Variants in NKAIN3 observed in about 807,000 individuals in gnomAD.
The protein encoded by NKAIN3 is sodium/potassium-transporting ATPase subunit beta-1-interacting protein 3.
In NKAIN3, 25 loss-of-function variants were observed where a neutral mutation model predicts 30.2. The ratio of observed to expected loss-of-function variants is 0.83; its 90% CI spans 0.60 to 1.16. The LOEUF is 1.16. Ranked by LOEUF, NKAIN3 falls within the 50% of genes most tolerant of loss-of-function variation. NKAIN3 has a pLI of 0.00. For synonymous variants in NKAIN3, 91 were observed against 89.6 expected, an observed-to-expected ratio of 1.02 and a Z score of -0.09; for missense variants, 225 against 254.1, an observed-to-expected ratio of 0.89 and a Z score of 0.78.
At chr8:62,256,392 G>A (rs926578395) in intron 1 of NKAIN3, among the ~76,000 whole-genome samples, 3 of 152,158 alleles carry the variant, frequency 2.0e-5, no homozygotes, top group Non-Finnish European at 2.9e-5. Context: ...GCATTCCAGC[G>A]TGGGTGACAG....
intron 1 of NKAIN3, among the ~76,000 whole-genome samples, chr8:62,521,188 C>T (rs1400866308): frequency 2.6e-5 from 4 of 151,874 alleles, no homozygotes; most frequent in South Asian, 2.1e-4. Flanking sequence ...TGAAGGATAG[C>T]GGATCGCACC....
chr8:62,451,659 T>C (rs959898284), intron 1 of NKAIN3, among the ~76,000 whole-genome samples: 1 of 152,212 alleles, frequency 6.6e-6, no homozygotes, highest in Non-Finnish European at 1.5e-5. Context: ...TTAAAATCAT[T>C]CACAGTCAAG....
chr8:62,843,303 T>TTTAA lies in NKAIN3; in HGVS notation c.472-75123_472-75120dup, dbSNP rs869033734. On this transcript the variant is annotated intron_variant, in intron 4 of 6. Coordinates refer to ENST00000623646, the MANE Select transcript of NKAIN3 (RefSeq NM_001304533.3). ...TCCCTGCTAACGTCTTTTTTCTTTTTTTAATTAATTAATTAATTAATTAAT... is the reference window on the plus strand; with the variant it reads ...TCCCTGCTAACGTCTTTTTTCTTTTTTTAATTAATTAATTAATTAATTAATTAAT... Among the ~76,000 whole-genome samples, 380 of 151,468 alleles carry TTTAA rather than the reference T, an allele frequency of 2.5e-3. 2 individuals carry two copies. Among genetic ancestry groups the TTTAA allele is most frequent in the Middle Eastern group, 0.02 (6 of 294 alleles).
rs1179564833 is a variant in NKAIN3, at chr8:62,966,148, A to G, written c.*741A>G. On this transcript the variant is annotated 3_prime_UTR_variant, in exon 7 of 7. Coordinates refer to ENST00000623646, the MANE Select transcript of NKAIN3 (RefSeq NM_001304533.3). ...GTCCATATTTTCTACTCATTATTCC[A>G]TTCCTGACACTGCTGTCAGACCTAA... 1 of 985,172 alleles carries G rather than the reference A, an allele frequency of 1.0e-6. No individual in the cohort carries two copies. 61.0% of individuals were successfully genotyped at this position (985,172 alleles called of 1,614,324 possible).
At chr8:62,790,082 A>C (rs1327793935) in intron 4 of NKAIN3, among the ~76,000 whole-genome samples, 16 of 152,196 alleles carry the variant, frequency 1.1e-4, no homozygotes, top group Admixed American at 1.0e-3. Flanking sequence ...TGGCAAGCCA[A>C]ATCCAGCAAC....
At chr8:62,855,823 G>C in intron 4 of NKAIN3, 1 of 887,868 alleles carries the variant, frequency 1.1e-6, no homozygotes, top group Non-Finnish European at 1.9e-6. Context: ...TGGAATCCTG[G>C]AGGAGTCACC....
intron 5 of NKAIN3, among the ~76,000 whole-genome samples, chr8:62,994,027 G>T (rs971970000): frequency 3.3e-5 from 5 of 152,110 alleles, no homozygotes; most frequent in African/African-American, 1.2e-4. Flanking sequence ...ACTTTGGGAA[G>T]ACTTTAAATT....
At chr8:62,792,212 G>C (rs1376134088) in intron 4 of NKAIN3, among the ~76,000 whole-genome samples, 1 of 151,958 alleles carries the variant, frequency 6.6e-6, no homozygotes, top group Non-Finnish European at 1.5e-5. Flanking sequence ...TTTAAGCTTG[G>C]AACAGTACCT....
intron 4 of NKAIN3, among the ~76,000 whole-genome samples, chr8:62,876,466 T>C (rs1374504592): frequency 6.6e-6 from 1 of 152,216 alleles, no homozygotes; most frequent in Non-Finnish European, 1.5e-5. Context: ...TTACTGGGTA[T>C]ATACCCAAAG....
chr8:62,251,226 T>C (rs1468611053), intron 1 of NKAIN3, among the ~76,000 whole-genome samples: 1 of 152,146 alleles, frequency 6.6e-6, no homozygotes, highest in Non-Finnish European at 1.5e-5. Context: ...TCAAGAGTTT[T>C]TGGATGGTAG....
At chr8:62,449,740 G>C (rs6991521) in intron 1 of NKAIN3, among the ~76,000 whole-genome samples, 1 of 151,832 alleles carries the variant, frequency 6.6e-6, no homozygotes, top group Non-Finnish European at 1.5e-5. Flanking sequence ...CCCTTTACTT[G>C]TTGATGAGTT....
intron 3 of NKAIN3, among the ~76,000 whole-genome samples, chr8:62,649,606 G>A (rs528565448): frequency 6.6e-6 from 1 of 152,204 alleles, no homozygotes; most frequent in African/African-American, 2.4e-5. Flanking sequence ...CCTCAGTAAG[G>A]ATGGTGTCAG....
chr8:62,380,429 C>T (rs527491727), intron 1 of NKAIN3, among the ~76,000 whole-genome samples: 1 of 152,256 alleles, frequency 6.6e-6, no homozygotes, highest in African/African-American at 2.4e-5. Flanking sequence ...GGAAGAAAGA[C>T]TAAAACATTT....
chr8:62,649,821 G>A (rs1319477271), intron 3 of NKAIN3, among the ~76,000 whole-genome samples: 1 of 152,174 alleles, frequency 6.6e-6, no homozygotes, highest in African/African-American at 2.4e-5. Context: ...CAGGTGTGCT[G>A]CATTGGGCAG....
At chr8:62,678,892 G>A (rs191817636) in intron 3 of NKAIN3, among the ~76,000 whole-genome samples, 15 of 152,174 alleles carry the variant, frequency 9.9e-5, no homozygotes, top group Admixed American at 9.2e-4. Context: ...AATGTGTCAT[G>A]TATCTAGTGA....
intron 3 of NKAIN3, among the ~76,000 whole-genome samples, chr8:62,690,686 G>T (rs943919850): frequency 4.6e-5 from 7 of 152,176 alleles, no homozygotes; most frequent in Non-Finnish European, 7.3e-5. Flanking sequence ...TTCTCAATTT[G>T]CAGAGCTGTT....
chr8:62,676,342 GTGGATCACGAGGT>G (rs2130402143), intron 3 of NKAIN3, among the ~76,000 whole-genome samples: 1 of 152,346 alleles, frequency 6.6e-6, no homozygotes, highest in East Asian at 1.9e-4. Flanking sequence ...GCCGAGGCAG[GTGGATCACGAGGT>G]TAGGAGGTCG....
chr8:62,803,819 C>A (rs1181819346), intron 4 of NKAIN3, among the ~76,000 whole-genome samples: 1 of 152,124 alleles, frequency 6.6e-6, no homozygotes, highest in Non-Finnish European at 1.5e-5. Context: ...ATTAATGAAT[C>A]CAGGAGCTGG....
chr8:62,335,131 C>T (rs1401346447), intron 1 of NKAIN3, among the ~76,000 whole-genome samples: 1 of 151,932 alleles, frequency 6.6e-6, no homozygotes, highest in African/African-American at 2.4e-5. Flanking sequence ...TACATTTCTC[C>T]CATCTTTGAA....
Sources: allele counts gnomAD v4.1 joint callset (sites outside exome capture counted in the v4.1 genomes callset), GRCh38; gene constraint gnomAD v4.1.1; transcripts MANE v1.5; gene names NCBI Gene and HGNC (gene_info 2026-07-23, HGNC 2026-07-21).